Variants in NT5M observed in about 807,000 individuals in gnomAD.
NT5M encodes 5',3'-nucleotidase, mitochondrial, also known as 5'(3')-deoxyribonucleotidase, mitochondrial.
NT5M carries 22 observed loss-of-function variants against 22.2 expected under a neutral mutation model. The ratio of observed to expected loss-of-function variants is 0.99; its 90% confidence interval spans 0.71 to 1.41. NT5M has a LOEUF of 1.41. NT5M is among the 40% of genes most tolerant of loss of function. NT5M has a pLI of 0.00. For synonymous variants in NT5M, 167 were observed against 133.0 expected, an observed-to-expected ratio of 1.26 and a Z score of -1.76; for missense variants, 322 against 314.8, an observed-to-expected ratio of 1.02 and a Z score of -0.17.
chr17:17,328,590 GTC>G (rs2049310652), intron 3 of NT5M, among the ~76,000 whole-genome samples: 1 of 152,158 alleles, frequency 6.6e-6, no homozygotes, highest in South Asian at 2.1e-4. Flanking sequence ...CAGGACAGAG[GTC>G]TCCCACGGTA....
At position 17,310,600 on chromosome 17, in the gene NT5M, C is replaced by T. The variant is rs146545089; in HGVS notation, c.368+3957C>T. ...GCCTGTAATCTCAGCACTTGGCAGG[C>T]CGAGGCAGGCAGATCACTTGAGCTC... On this transcript the variant is annotated intron_variant, in intron 2 of 4. Coordinates refer to ENST00000389022, the MANE Select transcript of NT5M (RefSeq NM_020201.4). Among the ~76,000 whole-genome samples, 539 of 152,258 alleles carry T rather than the reference C, an allele frequency of 3.5e-3. 3 individuals are homozygous for T. Among genetic ancestry groups the T allele is most frequent in the African/African-American group, 0.012 (507 of 41,546 alleles).
At chr17:17,341,289 G>A (rs1323637560) in intron 3 of NT5M, among the ~76,000 whole-genome samples, 1 of 152,038 alleles carries the variant, frequency 6.6e-6, no homozygotes, top group Non-Finnish European at 1.5e-5. Context: ...TATTTAGTAC[G>A]TCTGTATCAG....
chr17:17,324,501 TA>T (rs11400183), intron 3 of NT5M, among the ~76,000 whole-genome samples: 48 of 147,832 alleles, frequency 3.2e-4, no homozygotes, highest in African/African-American at 3.5e-4. Context: ...AAACTTAATT[TA>T]AAAAAAAAAA....
At chr17:17,323,022 G>A (rs2049183112) in intron 2 of NT5M, among the ~76,000 whole-genome samples, 163 bp from the exon 3 acceptor site, 1 of 152,198 alleles carries the variant, frequency 6.6e-6, no homozygotes, top group Non-Finnish European at 1.5e-5. Flanking sequence ...GGGATAGGCC[G>A]ACACCTCTGG....
Position 17,306,522 on chromosome 17 carries a change from T to C in NT5M, c.268-21T>C, listed in dbSNP as rs1423028072. 4 of 1,586,390 alleles carry C rather than the reference T, an allele frequency of 2.5e-6. No homozygotes were observed. In the African/African-American group the frequency reaches 4.0e-5, roughly 16 times the overall value. ...AGGTGCTGAGGACCCTGGAAGTAAC[T>C]TGCTTTTCTCAACTTCTCAGGAGAA... is the stretch of plus-strand genomic sequence containing the variant. On this transcript the variant is annotated intron_variant, in intron 1 of 4. Coordinates refer to ENST00000389022, the MANE Select transcript of NT5M (RefSeq NM_020201.4).
Position 17,314,512 on chromosome 17 carries a change from A to G in NT5M, c.368+7869A>G, listed in dbSNP as rs561686627. ...CCTACATATTTAAATATAGATTTAC[A>G]AATTGATATGCTCCACCCAGCAGTC... On this transcript the variant is annotated intron_variant, in intron 2 of 4. Transcript: ENST00000389022. Among the ~76,000 whole-genome samples the G allele has an allele frequency of 2.6e-5, 4 of 152,190 alleles. No individual in the cohort carries two copies. In the South Asian group the frequency reaches 6.2e-4, roughly 24 times the overall value.
intron 3 of NT5M, among the ~76,000 whole-genome samples, chr17:17,334,264 G>A (rs2049450164): frequency 6.6e-6 from 1 of 151,930 alleles, no homozygotes; most frequent in Non-Finnish European, 1.5e-5. Flanking sequence ...ACCATGCCTG[G>A]CTCGTTTTGA....
intron 3 of NT5M, among the ~76,000 whole-genome samples, chr17:17,331,342 G>T (rs929551627): frequency 9.9e-5 from 15 of 151,640 alleles, no homozygotes; most frequent in Non-Finnish European, 1.5e-5. Context: ...TCTTTTAGGG[G>T]TGATGGAAAC....
At chr17:17,326,074 G>A (rs964687466) in intron 3 of NT5M, among the ~76,000 whole-genome samples, 1 of 152,200 alleles carries the variant, frequency 6.6e-6, no homozygotes, top group Non-Finnish European at 1.5e-5. Flanking sequence ...GTTGTTAAAT[G>A]AGTAGATTCA....
intron 2 of NT5M, among the ~76,000 whole-genome samples, chr17:17,322,635 A>T (rs538021678): frequency 6.6e-6 from 1 of 152,142 alleles, no homozygotes; most frequent in Non-Finnish European, 1.5e-5. Context: ...CAGCCTCATG[A>T]GGGTGTTTGG....
intron 3 of NT5M, among the ~76,000 whole-genome samples, chr17:17,333,987 C>T (rs2049444054): frequency 6.6e-6 from 1 of 152,070 alleles, no homozygotes. Context: ...GCACCCACCA[C>T]CACACCTGGC....
At chr17:17,320,193 G>T (rs1300487401) in intron 2 of NT5M, among the ~76,000 whole-genome samples, 1 of 152,182 alleles carries the variant, frequency 6.6e-6, no homozygotes, top group Non-Finnish European at 1.5e-5. Context: ...CTTTTAATAT[G>T]TGCAGTTTAT....
chr17:17,325,481 C>G (rs1465004807), intron 3 of NT5M, among the ~76,000 whole-genome samples: 1 of 152,068 alleles, frequency 6.6e-6, no homozygotes, highest in Non-Finnish European at 1.5e-5. Flanking sequence ...CCCATGGGAC[C>G]GATTTCGAAA....
At position 17,323,252 on chromosome 17, in the gene NT5M, C is replaced by T. The variant is rs767017499; in HGVS notation, c.429+7C>T. ...GTACTGTCCCTATGAGAAGGTAAGGCGTGCGTCTGCTCAGCTGAGCCCTTA... is the reference window on the plus strand; with the variant it reads ...GTACTGTCCCTATGAGAAGGTAAGGTGTGCGTCTGCTCAGCTGAGCCCTTA... On this transcript the variant is annotated splice_region_variant and intron_variant, in intron 3 of 4. Transcript: ENST00000389022. The T allele has an allele frequency of 6.8e-6, 11 of 1,611,780 alleles. No homozygotes were observed. Among genetic ancestry groups the T allele is most frequent in the Admixed American group, 5.0e-5 (3 of 60,022 alleles).
At chr17:17,305,619 A>G (rs1387020034) in intron 1 of NT5M, among the ~76,000 whole-genome samples, 2 of 152,146 alleles carry the variant, frequency 1.3e-5, no homozygotes, top group Non-Finnish European at 2.9e-5. Flanking sequence ...TCCATGTGAC[A>G]GGGTGGCTGT....
Position 17,347,651 on chromosome 17 carries a change from G to A in NT5M, c.*704G>A, listed in dbSNP as rs1177873595. The stretch of plus-strand genomic sequence containing the variant: ...TGCATGAAAAATAAATGCTGTTCAT[G>A]TGTGTAGCTCAAGGCTGTGGCCTGC... On this transcript the variant is annotated 3_prime_UTR_variant, in exon 5 of 5. Transcript: ENST00000389022. The A allele has an allele frequency of 6.6e-6, 1 of 152,440 alleles. No homozygotes were observed. Among genetic ancestry groups the A allele is most frequent in the Non-Finnish European group, 1.5e-5 (1 of 68,188 alleles). 9.4% of individuals were successfully genotyped at this position (152,440 alleles called of 1,614,324 possible). A position where few individuals can be genotyped will look rare whatever the true frequency, so the allele number is the denominator to read the frequency against.
intron 3 of NT5M, among the ~76,000 whole-genome samples, chr17:17,339,618 T>C (rs2049597175): frequency 6.6e-6 from 1 of 152,244 alleles, no homozygotes; most frequent in African/African-American, 2.4e-5. Context: ...AGGTCTGTCA[T>C]ATATGGCTTT....
intron 2 of NT5M, among the ~76,000 whole-genome samples, chr17:17,321,224 G>A (rs532473484): frequency 3.3e-5 from 5 of 151,994 alleles, no homozygotes; most frequent in Non-Finnish European, 5.9e-5. Context: ...GCGGGCATTC[G>A]GGAGGTGCCA....
intron 2 of NT5M, among the ~76,000 whole-genome samples, chr17:17,307,565 C>T (rs2048831190): frequency 3.1e-5 from 2 of 65,330 alleles, no homozygotes; most frequent in African/African-American, 4.2e-5. Context: ...CATGATGAAA[C>T]CCTGCCTCAG....
Sources: allele counts gnomAD v4.1 joint callset (sites outside exome capture counted in the v4.1 genomes callset), GRCh38; gene constraint gnomAD v4.1.1; transcripts MANE v1.5; gene names NCBI Gene and HGNC (gene_info 2026-07-23, HGNC 2026-07-21).